SUGP1: variants seen among roughly 807,000 people sequenced by gnomAD.
SUGP1 encodes SURP and G-patch domain containing 1, also known as SURP and G-patch domain-containing protein 1.
SUGP1 carries 34 observed loss-of-function variants against 76.5 expected under a neutral mutation model. That is an observed-to-expected ratio of 0.44 (90% CI 0.34 to 0.59). The LOEUF is 0.59. Ranked by LOEUF, SUGP1 falls within the 20% of genes least tolerant of loss-of-function variation. The pLI, the probability that SUGP1 is intolerant of heterozygous loss-of-function variation, is 0.01. For synonymous variants in SUGP1, 326 were observed against 326.2 expected (o/e 1.00, Z 0.01); for missense variants, 752 against 851.7 (o/e 0.88, Z 1.46).
intron 1 of SUGP1, among the ~76,000 whole-genome samples, chr19:19,319,350 T>C (rs745477689): frequency 9.2e-5 from 14 of 152,248 alleles, no homozygotes; most frequent in Non-Finnish European, 1.6e-4. Flanking sequence ...CTGCATTTAC[T>C]GGCCCCCCTC....
In SUGP1 at chr19:19,280,209, C is replaced by T. The variant is rs1309247583; in HGVS notation, c.1326G>A (p.Lys442=). ...VGVTELSDAQ[K]KQLKEQQEMQ... is the part of the protein sequence containing the mutation. ...CCTCCTGCTGCTCCTTCAGCTGCTT[C>T]TTCTGGGCGTCTGAAAGCTCTGTGA... is the stretch of plus-strand genomic sequence containing the variant. The change falls in exon 9 of 14, where the codon AAG becomes AAA. Residue 442 remains lysine, a synonymous_variant. Transcript: ENST00000247001. 1 of 1,613,982 alleles carries T rather than the reference C, an allele frequency of 6.2e-7. No individual in the cohort carries two copies. The highest frequency in any genetic ancestry group is 1.7e-5 in the Admixed American group (1 of 60,030).
chr19:19,297,528 C>CT (rs1429210335), intron 7 of SUGP1, among the ~76,000 whole-genome samples, 184 bp from the exon 8 acceptor site: 1 of 151,910 alleles, frequency 6.6e-6, no homozygotes, highest in African/African-American at 2.4e-5. Flanking sequence ...ACTGCTGGTT[C>CT]TGGTGGCCCG....
Position 19,277,016 on chromosome 19 carries a change from C to T in SUGP1, c.1842G>A (p.Lys614=). ...GGAACGCCTCATACTCGTCGTCCTC[C>T]TTGGAGAGCTCCGCCGGCCGGTCAA... is the stretch of plus-strand genomic sequence containing the variant. ...FGIDRPAELS[K]EDDEYEAFRK... is the part of the protein sequence containing the mutation. Residue 614 remains lysine (K), a synonymous_variant, in exon 13 of 14, where the codon AAG becomes AAA. Coordinates refer to ENST00000247001, the MANE Select transcript of SUGP1 (RefSeq NM_172231.4). The T allele has an allele frequency of 6.2e-7, 1 of 1,612,926 alleles. No individual in the cohort carries two copies. The highest frequency in any genetic ancestry group is 8.5e-7 in the Non-Finnish European group (1 of 1,179,998).
At chr19:19,292,703 G>A (rs2061195390) in intron 8 of SUGP1, among the ~76,000 whole-genome samples, 1 of 151,984 alleles carries the variant, frequency 6.6e-6, no homozygotes, top group Non-Finnish European at 1.5e-5. Context: ...AAATACAATT[G>A]AATATTCCTA....
At chr19:19,277,248 G>A (rs2074551) in intron 12 of SUGP1, among the ~76,000 whole-genome samples, 172 bp from the exon 13 acceptor site, 22 of 114,508 alleles carry the variant, frequency 1.9e-4, no homozygotes, top group Admixed American at 1.4e-3. Context: ...CCCCCGGGGC[G>A]GGCGGGGGGG....
At position 19,306,054 on chromosome 19, in the gene SUGP1, G is replaced by C; in HGVS notation, c.333C>G (p.Ser111Arg). ...TSTDAPTSAP[S>R]APPSTPTPSA... ...TGGGGGTGGGTGTGCTGGGAGGGGC[G>C]CTGGGCGCACTGGTCGGGGCGTCTG... Residue 111 changes from serine (S) to arginine (R), a missense_variant, in exon 4 of 14, where the codon AGC (serine) becomes AGG (arginine). Ser to Arg is a moderately radical substitution (Grantham distance 110). Around this residue, in one of 2 missense-constraint regions of SUGP1, gnomAD observed 620 missense variants for 617.3 expected, o/e 1.00. Transcript: ENST00000247001. 6.2e-7 allele frequency: 1 copy of C among 1,605,176 alleles called. No homozygotes were observed. Among genetic ancestry groups the C allele is most frequent in the Non-Finnish European group, 8.5e-7 (1 of 1,175,956 alleles).
intron 11 of SUGP1, among the ~76,000 whole-genome samples, 156 bp downstream of exon 11, chr19:19,278,534 C>T (rs900002635): frequency 6.6e-6 from 1 of 152,194 alleles, no homozygotes; most frequent in Non-Finnish European, 1.5e-5. Context: ...ACACAGACGG[C>T]GCCTGTCATT....
intron 1 of SUGP1, among the ~76,000 whole-genome samples, chr19:19,316,893 T>C (rs1269409417): frequency 3.3e-5 from 5 of 152,118 alleles, no homozygotes; most frequent in Admixed American, 3.3e-4. Flanking sequence ...ATCCCAGCAC[T>C]TTGGGAGGCA....
intron 1 of SUGP1, among the ~76,000 whole-genome samples, chr19:19,320,178 G>A (rs1270059244): frequency 6.6e-6 from 1 of 152,236 alleles, no homozygotes; most frequent in African/African-American, 2.4e-5. Flanking sequence ...GGGAACGGAG[G>A]TTGGAGCAGC....
intron 3 of SUGP1, among the ~76,000 whole-genome samples, chr19:19,308,986 C>A (rs912582794): frequency 3.9e-5 from 6 of 152,170 alleles, no homozygotes; most frequent in African/African-American, 1.4e-4. Flanking sequence ...CCTGCCTCAG[C>A]CTCCCGAGTA....
intron 3 of SUGP1, among the ~76,000 whole-genome samples, chr19:19,307,945 G>A (rs1014700278): frequency 5.9e-5 from 9 of 151,932 alleles, no homozygotes; most frequent in East Asian, 2.0e-4. Flanking sequence ...AATTACAGGC[G>A]TGAGCCACTG....
At chr19:19,302,450 A>G in intron 6 of SUGP1, 62 bp from the exon 7 acceptor site, 1 of 1,583,362 alleles carries the variant, frequency 6.3e-7, no homozygotes, top group Non-Finnish European at 8.6e-7. Flanking sequence ...ATTTCTGCTA[A>G]GAACCCCAAG....
At chr19:19,277,951 CT>C in intron 11 of SUGP1, 72 bp from the exon 12 acceptor site, 1 of 1,583,870 alleles carries the variant, frequency 6.3e-7, no homozygotes. Flanking sequence ...AACCTTCTGC[CT>C]TTGGTTTCAA....
Position 19,303,447 on chromosome 19 carries a change from A to G in SUGP1, c.664T>C (p.Phe222Leu), listed in dbSNP as rs2061288210. 3 of 1,613,606 alleles carry G rather than the reference A, an allele frequency of 1.9e-6. No individual in the cohort carries two copies. The highest frequency in any genetic ancestry group is 1.7e-4 in the Middle Eastern group (1 of 6,060). ...TCCCTGCTATTCTTATCGTGCAAAA[A>G]TCTGGAGAGGAGGAAGTTTGCAGAA... ...EDYKDNPAFA[F>L]LHDKNSREFL... is the part of the protein sequence containing the mutation. The change falls in exon 6 of 14, where the codon TTT becomes CTT. Residue 222 changes from phenylalanine (F) to leucine (L), a missense_variant and splice_region_variant. Coordinates refer to ENST00000247001, the MANE Select transcript of SUGP1 (RefSeq NM_172231.4).
At chr19:19,316,626 C>A in intron 1 of SUGP1, 33 bp from the exon 2 acceptor site, 4 of 1,609,936 alleles carry the variant, frequency 2.5e-6, no homozygotes, top group Non-Finnish European at 3.4e-6. Context: ...TCGGAAATCA[C>A]CCTTACTCCA....
intron 4 of SUGP1, chr19:19,304,120 T>G: frequency 8.6e-7 from 1 of 1,163,038 alleles, no homozygotes; most frequent in South Asian, 1.5e-5. Context: ...CAGCTTCCCC[T>G]GGTTTTGGTG....
At chr19:19,295,153 G>C (rs2061215343) in intron 8 of SUGP1, among the ~76,000 whole-genome samples, 1 of 151,860 alleles carries the variant, frequency 6.6e-6, no homozygotes, top group Non-Finnish European at 1.5e-5. Flanking sequence ...GGCAAGGCTG[G>C]GCCTGGTGGC....
chr19:19,276,810 C>A, intron 13 of SUGP1, 136 bp from the exon 14 acceptor site: 1 of 1,537,068 alleles, frequency 6.5e-7, no homozygotes, highest in Non-Finnish European at 8.8e-7. Flanking sequence ...CGGGTGGGGG[C>A]TTGAATGCAG....
chr19:19,279,319 C>T lies in SUGP1; in HGVS notation c.1422G>A (p.Lys474=), dbSNP rs144894916. 1 of 1,611,092 alleles carries T rather than the reference C, an allele frequency of 6.2e-7. No individual in the cohort carries two copies. The highest frequency in any genetic ancestry group is 8.5e-7 in the Non-Finnish European group (1 of 1,179,810). The change falls in exon 10 of 14, where the codon AAG becomes AAA. Residue 474 remains lysine (K), a synonymous_variant. Transcript: ENST00000247001. The part of the protein sequence containing the change: ...AMQDMQLLWE[K]AVQQHQHGYD... ...AGCCGTGCTGGTGCTGTTGGACTGCCTTCTCCCACAGCAGCTGCATGTCCT... is the reference window on the plus strand; with the variant it reads ...AGCCGTGCTGGTGCTGTTGGACTGCTTTCTCCCACAGCAGCTGCATGTCCT...
Sources: gnomAD v4.1 joint callset for allele counts (sites outside exome capture counted in the v4.1 genomes callset) on GRCh38, gnomAD v4.1.1 for gene constraint, gnomAD v4.1.1 regional missense constraint, MANE v1.5 for transcripts, NCBI Gene and HGNC (gene_info 2026-07-23, HGNC 2026-07-21) for gene names.